Variants in ARAP2 observed in about 807,000 individuals in gnomAD.
ARAP2 encodes arf-GAP with Rho-GAP domain, ANK repeat and PH domain-containing protein 2.
In ARAP2, 148 loss-of-function variants were observed where a neutral mutation model predicts 194.5. The observed-to-expected ratio is 0.76, with a 90% CI of 0.67 to 0.87. The LOEUF (loss-of-function observed/expected upper bound fraction) is 0.87, where lower values mean the gene tolerates loss of function less well. ARAP2 is among the 40% of genes least tolerant of loss of function. The pLI is 0.00. For missense variants in ARAP2, 2,128 were observed against 1,989.7 expected (o/e 1.07, Z -1.32); for synonymous variants, 695 against 683.5 (o/e 1.02, Z -0.26).
intron 8 of ARAP2, among the ~76,000 whole-genome samples, chr4:36,014,299 A>AAGAAAGAG: frequency 8.2e-6 from 1 of 122,612 alleles, no homozygotes; most frequent in African/African-American, 3.6e-5. Context: ...GAAAGAAAGA[A>AAGAAAGAG]GAGAAGGAAG....
intron 21 of ARAP2, among the ~76,000 whole-genome samples, chr4:36,125,851 C>A (rs936708832): frequency 6.6e-6 from 1 of 151,982 alleles, no homozygotes; most frequent in Admixed American, 6.6e-5. Flanking sequence ...TATTTCCTCT[C>A]AATTCGCAAC....
rs878898171 is a variant in ARAP2, at chr4:36,092,109, A to G, written c.4286-89T>C. On this transcript the variant is annotated intron_variant, in intron 27 of 32. Transcript: ENST00000303965. Reference sequence around the variant, plus strand: ...AAACATTTCTATATTGTCATATAGAAAAAATAAGAACTTGTTTACTACCGC... The same window carrying G: ...AAACATTTCTATATTGTCATATAGAGAAAATAAGAACTTGTTTACTACCGC... The G allele has an allele frequency of 1.7e-5, 23 of 1,370,594 alleles. 2 individuals are homozygous for G. The South Asian group carries it at 4.0e-4, about 24-fold the overall frequency. 84.9% of individuals were successfully genotyped at this position (1,370,594 alleles called of 1,614,324 possible). A position where few individuals can be genotyped will look rare whatever the true frequency, so the allele number is the denominator to read the frequency against.
intron 3 of ARAP2, among the ~76,000 whole-genome samples, chr4:36,049,955 G>A (rs181284552): frequency 2.0e-5 from 3 of 152,076 alleles, no homozygotes; most frequent in East Asian, 1.9e-4. Context: ...TATTTAAAAC[G>A]GTAATTTATT....
rs919288872 is a variant in ARAP2 at position 36,183,806 on chromosome 4, T to C, written c.1678+3645A>G. ...GGGAGGGATAGGAGCCTTAGAAAAC[T>C]CGTGAGGAAAAGATTCCAAACTATA... On this transcript the variant is annotated intron_variant, in intron 8 of 32. Transcript: ENST00000303965. Among the ~76,000 whole-genome samples, 18 of 152,294 alleles carry C rather than the reference T, an allele frequency of 1.2e-4. 1 individual carries two copies. In the South Asian group the frequency reaches 2.3e-3, roughly 19 times the overall value.
rs929703095 is a variant in ARAP2 at position 36,219,270 on chromosome 4, C to A, written c.906-4790G>T. ...CAAATATGCCTCAAGAATAACCACC[C>A]AAATATATGTCAATGGGCAAATGGA... On this transcript the variant is annotated intron_variant, in intron 2 of 32. Coordinates refer to ENST00000303965, the MANE Select transcript of ARAP2 (RefSeq NM_015230.4). Among the ~76,000 whole-genome samples, 4 of 152,142 alleles carry A rather than the reference C, an allele frequency of 2.6e-5. No homozygotes were observed. In the East Asian group the frequency reaches 7.7e-4, roughly 29 times the overall value.
At chr4:36,047,575 T>C (rs1256309418) in intron 3 of ARAP2, among the ~76,000 whole-genome samples, 1 of 152,222 alleles carries the variant, frequency 6.6e-6, no homozygotes, top group African/African-American at 2.4e-5. Flanking sequence ...CCCAATTCTA[T>C]GATAATTAAC....
chr4:36,206,280 C>T (rs1247876073), intron 6 of ARAP2, among the ~76,000 whole-genome samples: 2 of 152,206 alleles, frequency 1.3e-5, no homozygotes, highest in Admixed American at 6.5e-5. Context: ...CAGTCGTTGT[C>T]TGAGCTCTGA....
chr4:36,224,751 T>C (rs1025898778), intron 2 of ARAP2, among the ~76,000 whole-genome samples: 1 of 152,156 alleles, frequency 6.6e-6, no homozygotes, highest in African/African-American at 2.4e-5. Flanking sequence ...TAGCAAATAT[T>C]AAAATAATTA....
intron 5 of ARAP2, among the ~76,000 whole-genome samples, chr4:36,028,917 A>C (rs1241403865): frequency 6.6e-6 from 1 of 151,966 alleles, no homozygotes; most frequent in Non-Finnish European, 1.5e-5. Flanking sequence ...CTCATGGTTA[A>C]TTCCAGTTTT....
intron 22 of ARAP2, among the ~76,000 whole-genome samples, chr4:36,123,581 T>C (rs1425740255): frequency 6.6e-6 from 1 of 151,740 alleles, no homozygotes; most frequent in African/African-American, 2.4e-5. Flanking sequence ...GTGTTCCATA[T>C]TCAGCTTGCC....
chr4:36,071,979 T>C (rs1218213911), intron 32 of ARAP2, among the ~76,000 whole-genome samples: 2 of 152,034 alleles, frequency 1.3e-5, no homozygotes, highest in African/African-American at 2.4e-5. Flanking sequence ...AAATACTTAA[T>C]ATTTTAACTC....
intron 13 of ARAP2, 122 bp downstream of exon 13, chr4:36,160,337 A>C: frequency 1.6e-6 from 2 of 1,249,206 alleles, no homozygotes; most frequent in Non-Finnish European, 2.0e-6. Context: ...TCACAAAAGG[A>C]AATAAAATAA....
intron 19 of ARAP2, among the ~76,000 whole-genome samples, chr4:36,137,656 T>C (rs1727167165): frequency 6.6e-6 from 1 of 151,698 alleles, no homozygotes; most frequent in Non-Finnish European, 1.5e-5. Flanking sequence ...TTTTTTTCCA[T>C]ATATGACTAG....
chr4:36,179,099 T>G (rs1738632832), intron 8 of ARAP2, among the ~76,000 whole-genome samples: 1 of 152,258 alleles, frequency 6.6e-6, no homozygotes. Context: ...TTAGGAATGT[T>G]GTCTTTATTA....
chr4:36,131,587 A>T (rs1725472672), intron 20 of ARAP2, among the ~76,000 whole-genome samples: 1 of 151,662 alleles, frequency 6.6e-6, no homozygotes, highest in South Asian at 2.1e-4. Flanking sequence ...AGTTGAAAAA[A>T]TCGAATGCTG....
At chr4:36,051,298 G>A (rs1386989020) in intron 3 of ARAP2, among the ~76,000 whole-genome samples, 1 of 152,076 alleles carries the variant, frequency 6.6e-6, no homozygotes, top group African/African-American at 2.4e-5. Context: ...GGCCAACATG[G>A]TGAAACCCCT....
Position 36,067,855 on chromosome 4 carries a change from A to C in ARAP2, c.*52T>G. On this transcript the variant is annotated 3_prime_UTR_variant, in exon 33 of 33. Transcript: ENST00000303965. ...AGTTCAGTTTTGGAGTTACACATAAAGATTGCATACAATATTAAAAAAATA... is the reference window on the plus strand; with the variant it reads ...AGTTCAGTTTTGGAGTTACACATAACGATTGCATACAATATTAAAAAAATA... The C allele has an allele frequency of 6.6e-7, 1 of 1,509,068 alleles. No individual in the cohort carries two copies. Among genetic ancestry groups the C allele is most frequent in the Non-Finnish European group, 8.9e-7 (1 of 1,128,206 alleles). The allele number at this position is 1,509,068 out of a possible 1,614,324, so 93.5% of individuals were successfully genotyped here.
intron 9 of ARAP2, among the ~76,000 whole-genome samples, chr4:36,177,020 T>C (rs1475790520): frequency 6.6e-6 from 1 of 151,962 alleles, no homozygotes; most frequent in Non-Finnish European, 1.5e-5. Context: ...GGCTGAAGGA[T>C]TTTAAAAGGA....
intron 1 of ARAP2, among the ~76,000 whole-genome samples, 183 bp from the exon 2 acceptor site, chr4:36,229,828 GAAATGCTATGACAGCATC>G (rs1751082568): frequency 6.6e-6 from 1 of 152,156 alleles, no homozygotes; most frequent in African/African-American, 2.4e-5. Context: ...GTACAGGACA[GAAATGCTATGACAGCATC>G]AAACTATGAC....
Sources: gnomAD v4.1 joint callset for allele counts (sites outside exome capture counted in the v4.1 genomes callset) on GRCh38, gnomAD v4.1.1 for gene constraint, MANE v1.5 for transcripts, NCBI Gene and HGNC (gene_info 2026-07-23, HGNC 2026-07-21) for gene names.